Variants in AEN observed in about 807,000 individuals in gnomAD.
AEN encodes the protein apoptosis-enhancing nuclease.
A neutral mutation model predicts 17.7 loss-of-function variants in AEN; 21 were observed. The ratio of observed to expected loss-of-function variants is 1.19; its 90% CI spans 0.84 to 1.71. AEN has a LOEUF of 1.71. Ranked by LOEUF, AEN falls within the 40% of genes most tolerant of loss-of-function variation. The pLI is 0.00. For synonymous variants in AEN, 190 were observed against 173.0 expected (o/e 1.10, Z -0.77); for missense variants, 462 against 435.9 (o/e 1.06, Z -0.53).
chr15:88,611,065 C>A, the AEN span, among the ~76,000 whole-genome samples: 1 of 152,328 alleles, frequency 6.6e-6, no homozygotes, highest in Admixed American at 6.5e-5. Flanking sequence ...TACCCCAGCA[C>A]CACCACTCTG....
intron 3 of AEN, 96 bp downstream of exon 3, chr15:88,629,522 C>T (rs959204715): frequency 1.4e-6 from 2 of 1,413,144 alleles, no homozygotes; most frequent in East Asian, 2.3e-5. Flanking sequence ...TCTCCAGCCT[C>T]CTTGTCATTC....
the AEN span, among the ~76,000 whole-genome samples, chr15:88,609,050 C>CTT: frequency 2.3e-3 from 351 of 152,296 alleles, 3 homozygotes; most frequent in Admixed American, 4.1e-3. Context: ...CGGAAGAAGT[C>CTT]TTAATGTGAG....
chr15:88,626,248 G>A lies in AEN; in HGVS notation c.39G>A (p.Leu13=). The change falls in exon 2 of 4, where the codon CTG becomes CTA. Residue 13 remains leucine, a synonymous_variant. Transcript: ENST00000332810. The part of the protein sequence containing the change: ...PREAPESAQC[L]CPSLTIPNAK... ...AGGCCCCTGAGTCTGCTCAGTGCCT[G>A]TGCCCTTCCCTCACCATCCCAAATG... 1 of 1,610,834 alleles carries A rather than the reference G, an allele frequency of 6.2e-7. No homozygotes were observed. The highest frequency in any genetic ancestry group is 8.5e-7 in the Non-Finnish European group (1 of 1,178,364).
upstream of AEN, among the ~76,000 whole-genome samples, chr15:88,618,222 T>A (rs1043850730): frequency 1.4e-5 from 2 of 147,400 alleles, no homozygotes; most frequent in Admixed American, 7.0e-5. Flanking sequence ...TCTGTTTTTT[T>A]ATTTGACATA....
At chr15:88,613,666 C>G in the AEN span, among the ~76,000 whole-genome samples, 2 of 151,942 alleles carry the variant, frequency 1.3e-5, 1 homozygote, top group South Asian at 4.2e-4. Context: ...AGTCCTGGCT[C>G]TGAAGTCAAA....
chr15:88,617,160 G>A (rs552468950), upstream of AEN, among the ~76,000 whole-genome samples: 3 of 152,254 alleles, frequency 2.0e-5, no homozygotes, highest in South Asian at 2.1e-4. Context: ...CAATCATAGT[G>A]CACTGTGGTC....
the AEN span, among the ~76,000 whole-genome samples, chr15:88,614,772 T>C: frequency 1.8e-3 from 267 of 152,256 alleles, no homozygotes; most frequent in South Asian, 9.1e-3. Flanking sequence ...TACTAACACC[T>C]GGGGAGATTT....
At chr15:88,611,494 G>A in the AEN span, among the ~76,000 whole-genome samples, 1 of 151,438 alleles carries the variant, frequency 6.6e-6, no homozygotes, top group African/African-American at 2.4e-5. Context: ...AGGCTGAGGT[G>A]GAAGAATCAC....
upstream of AEN, among the ~76,000 whole-genome samples, chr15:88,619,935 G>T (rs2057768237): frequency 6.6e-6 from 1 of 152,010 alleles, no homozygotes; most frequent in Non-Finnish European, 1.5e-5. Flanking sequence ...CCTTTCTCCA[G>T]TCCTCATCCA....
rs2057856951 is a variant in AEN, at chr15:88,626,566, C to T, written c.357C>T (p.Gly119=). The change falls in exon 2 of 4, where the codon GGC becomes GGT. Residue 119 remains glycine, a synonymous_variant. Coordinates refer to ENST00000332810, the MANE Select transcript of AEN (RefSeq NM_022767.4). ...KCVAIDCEMV[G]TGPRGRVSEL... is the part of the protein sequence containing the mutation. ...TGGCTATCGACTGTGAGATGGTGGG[C>T]ACGGGACCCCGAGGGCGGGTAAGCG... 6.2e-7 allele frequency: 1 copy of T among 1,614,038 alleles called. No homozygotes were observed. The highest frequency in any genetic ancestry group is 8.5e-7 in the Non-Finnish European group (1 of 1,180,054).
chr15:88,618,004 C>T (rs1052533274), upstream of AEN, among the ~76,000 whole-genome samples: 2 of 152,130 alleles, frequency 1.3e-5, no homozygotes, highest in African/African-American at 4.8e-5. Context: ...ACTGCCCCAC[C>T]CTGTCACTCT....
chr15:88,628,239 T>A (rs918246070), intron 2 of AEN: 4 of 152,242 alleles, frequency 2.6e-5, no homozygotes, highest in African/African-American at 9.7e-5. Context: ...GGCAGTGTGG[T>A]GAGTGACCAG....
intron 2 of AEN, chr15:88,627,104 G>T (rs1002665988): frequency 1.3e-4 from 31 of 238,450 alleles, no homozygotes; most frequent in Admixed American, 1.5e-4. Flanking sequence ...GGATGTTTTG[G>T]CATATTTCCT....
rs543049263 is a variant in AEN, at chr15:88,622,670, C to T, written c.-65+1288C>T. On this transcript the variant is annotated intron_variant, in intron 1 of 3. Transcript: ENST00000332810. The stretch of plus-strand genomic sequence containing the variant: ...TTCACAGTGTCCTTCTATACAATGT[C>T]TGAAATCTATGGATAACATCGGTTG... Among the ~76,000 whole-genome samples, 52 of 152,186 alleles carry T rather than the reference C, an allele frequency of 3.4e-4. 1 individual carries two copies. Among genetic ancestry groups the T allele is most frequent in the Non-Finnish European group, 6.2e-4 (42 of 68,040 alleles).
chr15:88,624,581 C>T (rs1397624159), intron 1 of AEN, among the ~76,000 whole-genome samples: 1 of 152,118 alleles, frequency 6.6e-6, no homozygotes, highest in Non-Finnish European at 1.5e-5. Context: ...CAGTTTAGGT[C>T]ATTTACAAAG....
chr15:88,612,411 G>C, the AEN span, among the ~76,000 whole-genome samples: 4 of 152,238 alleles, frequency 2.6e-5, no homozygotes, highest in Admixed American at 6.5e-5. Context: ...AGCTGAGGGA[G>C]TGGACTTGTG....
Position 88,631,167 on chromosome 15 carries a change from C to CT in AEN, c.*876dup. On this transcript the variant is annotated 3_prime_UTR_variant, in exon 4 of 4. Coordinates refer to ENST00000332810, the MANE Select transcript of AEN (RefSeq NM_022767.4). ...AAGACAGTGGTTTGAATTCTGGGGCCTTTGTGTAGGATTGTGCCTGACCTT... is the reference window on the plus strand; with the variant it reads ...AAGACAGTGGTTTGAATTCTGGGGCCTTTTGTGTAGGATTGTGCCTGACCTT... 1 of 456,712 alleles carries CT rather than the reference C, an allele frequency of 2.2e-6. No individual in the cohort carries two copies. Among genetic ancestry groups the CT allele is most frequent in the Non-Finnish European group, 4.4e-6 (1 of 226,972 alleles). The allele number at this position is 456,712 out of a possible 1,614,324, so 28.3% of individuals were successfully genotyped here. A position where few individuals can be genotyped will look rare whatever the true frequency, so the allele number is the denominator to read the frequency against.
At chr15:88,605,333 C>T in the AEN span, among the ~76,000 whole-genome samples, 1 of 152,184 alleles carries the variant, frequency 6.6e-6, no homozygotes, top group African/African-American at 2.4e-5. The surrounding 1 kb of genome is among the most constrained non-coding windows in gnomAD (Gnocchi z 7.6). Context: ...CCAGCCGCCC[C>T]AAGCCCGCCG....
At chr15:88,607,804 G>T in the AEN span, among the ~76,000 whole-genome samples, 1 of 151,826 alleles carries the variant, frequency 6.6e-6, no homozygotes, top group Non-Finnish European at 1.5e-5. Context: ...TCAAAAATTC[G>T]CTCGGTGAAC....
Sources: gnomAD v4.1 joint callset for allele counts (sites outside exome capture counted in the v4.1 genomes callset) on GRCh38, gnomAD v4.1.1 for gene constraint, Gnocchi (gnomAD v3.1) non-coding constraint, MANE v1.5 for transcripts, NCBI Gene and HGNC (gene_info 2026-07-23, HGNC 2026-07-21) for gene names.